Variants in CCDC178 observed in about 807,000 individuals in gnomAD.
The protein encoded by CCDC178 is coiled-coil domain containing 178.
In CCDC178, 126 loss-of-function variants were observed where a neutral mutation model predicts 117.4. That is an observed-to-expected ratio of 1.07 (90% CI 0.93 to 1.24). The LOEUF is 1.24. CCDC178 is among the 50% of genes most tolerant of loss of function. CCDC178 has a pLI of 0.00. For synonymous variants in CCDC178, 283 were observed against 313.4 expected (o/e 0.90, Z 1.02); for missense variants, 1,030 against 986.9 (o/e 1.04, Z -0.59).
At chr18:33,032,637 A>G (rs76664586) in intron 21 of CCDC178, among the ~76,000 whole-genome samples, 5,291 of 152,138 alleles carry the variant, frequency 0.035, 147 homozygotes, top group East Asian at 0.08. Context: ...TATCTGGGGT[A>G]CTCATGGAAG....
In CCDC178 at chr18:32,960,252, T is replaced by G. The variant is rs111678117; in HGVS notation, c.2523+14295A>C. On this transcript the variant is annotated intron_variant, in intron 22 of 22. Transcript: ENST00000383096. ...TATCCACAGGCACTCATGGATATTG[T>G]CAAAATCTTCCAGATATTTTGAAGA... Among the ~76,000 whole-genome samples, 353 of 152,210 alleles carry G rather than the reference T, an allele frequency of 2.3e-3. 1 individual carries two copies. Among genetic ancestry groups the G allele is most frequent in the African/African-American group, 7.2e-3 (298 of 41,544 alleles).
chr18:33,313,205 G>A (rs2062366513), intron 11 of CCDC178, among the ~76,000 whole-genome samples: 1 of 152,078 alleles, frequency 6.6e-6, no homozygotes, highest in Admixed American at 6.5e-5. Flanking sequence ...GGAAGAAAGG[G>A]GCATGTTAAC....
intron 22 of CCDC178, among the ~76,000 whole-genome samples, chr18:32,970,390 A>C (rs1225410261): frequency 6.6e-6 from 1 of 151,972 alleles, no homozygotes; most frequent in Non-Finnish European, 1.5e-5. Flanking sequence ...TTTACTTTAC[A>C]AAACCTTCAT....
At chr18:33,067,243 T>A (rs2144983521) in intron 21 of CCDC178, among the ~76,000 whole-genome samples, 1 of 152,170 alleles carries the variant, frequency 6.6e-6, no homozygotes, top group East Asian at 1.9e-4. Context: ...AACAACAAGA[T>A]CTTGAACAAC....
In CCDC178 at chr18:33,384,162, TA is replaced by T. The variant is rs2063469279; in HGVS notation, c.208+5377del. ...AATAAGGCAGACAAACAAGATTAGATAAAAAAGAATGAAATAAAACAAACAA... is the reference window on the plus strand; with the variant it reads ...AATAAGGCAGACAAACAAGATTAGATAAAAAGAATGAAATAAAACAAACAA... On this transcript the variant is annotated intron_variant, in intron 5 of 22. Transcript: ENST00000383096. Among the ~76,000 whole-genome samples the T allele has an allele frequency of 1.4e-4, 21 of 151,830 alleles. No individual in the cohort carries two copies. The South Asian group carries it at 4.0e-3, about 29-fold the overall frequency.
intron 11 of CCDC178, among the ~76,000 whole-genome samples, chr18:33,309,816 T>C (rs1340059143): frequency 1.3e-5 from 2 of 152,152 alleles, no homozygotes; most frequent in East Asian, 1.9e-4. Context: ...AAAAGTGTTA[T>C]AGACATAAAG....
chr18:32,991,563 G>A (rs1377932544), intron 21 of CCDC178, among the ~76,000 whole-genome samples: 1 of 152,152 alleles, frequency 6.6e-6, no homozygotes, highest in Non-Finnish European at 1.5e-5. Flanking sequence ...TTTCAAAATG[G>A]TAAATAAGCA....
At chr18:33,143,286 G>C (rs1222231029) in intron 20 of CCDC178, among the ~76,000 whole-genome samples, 7 of 152,132 alleles carry the variant, frequency 4.6e-5, no homozygotes, top group Admixed American at 3.9e-4. Flanking sequence ...TTTCAGTGAA[G>C]AAGAGCACAA....
chr18:33,358,196 A>G lies in CCDC178; in HGVS notation c.349-1850T>C, dbSNP rs372007902. ...ACCACTGTTGTATATGTGGTACATC[A>G]TTGACCAAATAATGAAAAAGACTAA... On this transcript the variant is annotated intron_variant, in intron 6 of 22. Coordinates refer to ENST00000383096, the MANE Select transcript of CCDC178 (RefSeq NM_001105528.4). 2.0e-5 allele frequency among the ~76,000 whole-genome samples: 3 copies of G among 152,046 alleles called. No individual in the cohort carries two copies. In the East Asian group the frequency reaches 5.8e-4, roughly 29 times the overall value.
intron 5 of CCDC178, among the ~76,000 whole-genome samples, chr18:33,380,586 A>G (rs1430663072): frequency 1.3e-5 from 2 of 152,182 alleles, no homozygotes; most frequent in Non-Finnish European, 2.9e-5. Context: ...CCTAGTGGAA[A>G]GGTAAATCAC....
At chr18:33,060,352 T>C (rs1490883791) in intron 21 of CCDC178, among the ~76,000 whole-genome samples, 1 of 152,112 alleles carries the variant, frequency 6.6e-6, no homozygotes, top group Admixed American at 6.5e-5. Context: ...GCCTTTATAA[T>C]ATTATTTGAG....
intron 14 of CCDC178, among the ~76,000 whole-genome samples, chr18:33,263,211 A>T (rs1242752644): frequency 6.6e-6 from 1 of 152,202 alleles, no homozygotes; most frequent in Non-Finnish European, 1.5e-5. Context: ...AGCCTCATGA[A>T]TGGGATAGTC....
intron 20 of CCDC178, among the ~76,000 whole-genome samples, chr18:33,178,248 G>T (rs1336758218): frequency 6.6e-6 from 1 of 152,096 alleles, no homozygotes; most frequent in African/African-American, 2.4e-5. Context: ...CTAGAAACCT[G>T]AGACTTATCC....
intron 20 of CCDC178, among the ~76,000 whole-genome samples, chr18:33,104,076 A>C (rs2057668202): frequency 1.3e-5 from 2 of 151,774 alleles, no homozygotes. Context: ...TACAAATCAA[A>C]GGGGGAGGAA....
chr18:33,298,921 G>A (rs1331157672), intron 11 of CCDC178, among the ~76,000 whole-genome samples: 2 of 151,898 alleles, frequency 1.3e-5, no homozygotes, highest in Non-Finnish European at 2.9e-5. Context: ...TGTAACCAAG[G>A]AGGTCAAAGA....
At chr18:33,379,147 TA>T (rs1204633819) in intron 5 of CCDC178, among the ~76,000 whole-genome samples, 1 of 143,410 alleles carries the variant, frequency 7.0e-6, no homozygotes, top group African/African-American at 2.6e-5. Flanking sequence ...TCCATATATA[TA>T]TAATATATAT....
At position 33,337,522 on chromosome 18, in the gene CCDC178, A is replaced by G. The variant is rs535100559; in HGVS notation, c.659-4128T>C. ...GAATGCTTTCAACTTTTCTCTGTTC[A>G]GCACAATTTCAACACAACATGGTAT... On this transcript the variant is annotated intron_variant, in intron 9 of 22. Transcript: ENST00000383096. Among the ~76,000 whole-genome samples, 11 of 152,148 alleles carry G rather than the reference A, an allele frequency of 7.2e-5. No individual in the cohort carries two copies. In the South Asian group the frequency reaches 2.3e-3, roughly 32 times the overall value.
chr18:33,089,157 T>C (rs893663331), intron 21 of CCDC178, among the ~76,000 whole-genome samples: 1 of 152,102 alleles, frequency 6.6e-6, no homozygotes, highest in African/African-American at 2.4e-5. Flanking sequence ...AATCAAATAA[T>C]CTATTTCAGT....
intron 22 of CCDC178, among the ~76,000 whole-genome samples, chr18:32,952,138 G>A (rs540320141): frequency 6.6e-5 from 10 of 152,244 alleles, no homozygotes; most frequent in South Asian, 2.1e-4. Flanking sequence ...GCAAGCTGTC[G>A]GTGAATCTAC....
Sources: allele counts gnomAD v4.1 joint callset (sites outside exome capture counted in the v4.1 genomes callset), GRCh38; gene constraint gnomAD v4.1.1; transcripts MANE v1.5; gene names NCBI Gene and HGNC (gene_info 2026-07-23, HGNC 2026-07-21).